The following PRPF38B variants were observed in gnomAD, a reference collection of about 807,000 sequenced individuals.
PRPF38B encodes pre-mRNA-splicing factor 38B.
Under a neutral mutation model 67.2 loss-of-function variants are expected in PRPF38B, and 18 were observed. That is an observed-to-expected ratio of 0.27 (90% CI 0.19 to 0.40). The LOEUF is 0.40. Ranked by LOEUF, PRPF38B falls within the 10% of genes least tolerant of loss-of-function variation. PRPF38B has a pLI of 1.00. For missense variants in PRPF38B, 544 were observed against 684.9 expected, an observed-to-expected ratio of 0.79 and a Z score of 2.30; for synonymous variants, 246 against 234.2, an observed-to-expected ratio of 1.05 and a Z score of -0.46.
At chr1:108,694,689 A>G (rs1195146871) in intron 1 of PRPF38B, among the ~76,000 whole-genome samples, 1 of 152,216 alleles carries the variant, frequency 6.6e-6, no homozygotes, top group Non-Finnish European at 1.5e-5. Context: ...GTTCAGGACT[A>G]CAAAATTTAC....
chr1:108,698,666 T>C lies in PRPF38B; in HGVS notation c.621T>C (p.Phe207=). 2.5e-6 allele frequency: 4 copies of C among 1,614,138 alleles called. No homozygotes were observed. The highest frequency in any genetic ancestry group is 3.4e-6 in the Non-Finnish European group (4 of 1,179,996). The part of the protein sequence containing the change: ...VMTIGEMLRS[F]LTKLEWFSTL... ...CCATTGGAGAAATGCTACGATCTTT[T>C]CTCACAAAACTGGAGTGGTTTTCTA... Residue 207 remains phenylalanine (F), a synonymous_variant, in exon 5 of 6, where the codon TTT becomes TTC. Coordinates refer to ENST00000370025, the MANE Select transcript of PRPF38B (RefSeq NM_018061.4).
intron 4 of PRPF38B, chr1:108,697,010 A>T: frequency 2.1e-6 from 1 of 487,444 alleles, no homozygotes; most frequent in Admixed American, 3.8e-5. Context: ...GTGGTGGCTC[A>T]CATTGTAATC....
At chr1:108,693,944 A>G (rs1005080268) in intron 1 of PRPF38B, among the ~76,000 whole-genome samples, 2 of 152,246 alleles carry the variant, frequency 1.3e-5, no homozygotes, top group Non-Finnish European at 2.9e-5. Context: ...CAGACCGCAC[A>G]AAGTGTTTTC....
chr1:108,694,425 TA>T (rs902242960), intron 1 of PRPF38B, among the ~76,000 whole-genome samples: 1 of 152,194 alleles, frequency 6.6e-6, no homozygotes, highest in African/African-American at 2.4e-5. Flanking sequence ...TAAATTCCGT[TA>T]AAAAACTAAA....
chr1:108,699,718 CGAAGT>C lies in PRPF38B; in HGVS notation c.1340_1344del (p.Arg447GlnfsTer3). ...GAGTCGAAGTAGAAATGCAGGGAAA[CGAAGT>C]AGAAGTAGAAGCAAAGAGAAATCAA... On this transcript the variant is annotated frameshift_variant, in exon 6 of 6. Transcript: ENST00000370025. LOFTEE classifies it high-confidence loss of function. The C allele has an allele frequency of 6.2e-7, 1 of 1,612,212 alleles. No homozygotes were observed. Among genetic ancestry groups the C allele is most frequent in the Non-Finnish European group, 8.5e-7 (1 of 1,179,164 alleles).
In PRPF38B at chr1:108,701,019, G is replaced by A. The variant is rs984790312; in HGVS notation, c.*999G>A. On this transcript the variant is annotated 3_prime_UTR_variant, in exon 6 of 6. Coordinates refer to ENST00000370025, the MANE Select transcript of PRPF38B (RefSeq NM_018061.4). ...ACTTTTTTTATTGATAATGGAGATT[G>A]CTGTTTGAGTTTTTAAACTTAATCT... is the stretch of plus-strand genomic sequence containing the variant. 1 of 152,520 alleles carries A rather than the reference G, an allele frequency of 6.6e-6. No individual in the cohort carries two copies. Among genetic ancestry groups the A allele is most frequent in the African/African-American group, 2.4e-5 (1 of 41,428 alleles). 9.4% of individuals were successfully genotyped at this position (152,520 alleles called of 1,614,324 possible). A position where few individuals can be genotyped will look rare whatever the true frequency, so the allele number is the denominator to read the frequency against.
Position 108,692,698 on chromosome 1 carries a change from A to G in PRPF38B, c.107A>G (p.Lys36Arg), listed in dbSNP as rs1382949754. 7 of 1,613,282 alleles carry G rather than the reference A, an allele frequency of 4.3e-6. No individual in the cohort carries two copies. The South Asian group carries it at 6.6e-5, about 15-fold the overall frequency. The change falls in exon 1 of 6, where the codon AAG becomes AGG. Residue 36 changes from lysine to arginine, a missense_variant. Transcript: ENST00000370025. ...QQQCGGGGAT[K>R]PAVSGKQGNV... is the part of the protein sequence containing the mutation. ...CAGTGCGGCGGCGGCGGCGCTACCAAGCCGGCGGTCTCCGGCAAGCAGGGC... is the reference window on the plus strand; with the variant it reads ...CAGTGCGGCGGCGGCGGCGCTACCAGGCCGGCGGTCTCCGGCAAGCAGGGC...
At chr1:108,698,924 T>TG in intron 5 of PRPF38B, 97 bp downstream of exon 5, 1 of 1,317,910 alleles carries the variant, frequency 7.6e-7, no homozygotes, top group Admixed American at 2.8e-5. Flanking sequence ...TTGTTTTTAC[T>TG]GTTCATTTTA....
rs1660449114 is a variant in PRPF38B, at chr1:108,701,107, TGATA to T, written c.*1091_*1094del. ...TATTTAAGACTATCAGCAAATTATT[TGATA>T]GATTGTTCTTACAACTTGTATTCTG... On this transcript the variant is annotated 3_prime_UTR_variant, in exon 6 of 6. Transcript: ENST00000370025. 1 of 152,644 alleles carries T rather than the reference TGATA, an allele frequency of 6.6e-6. No individual in the cohort carries two copies. Among genetic ancestry groups the T allele is most frequent in the East Asian group, 1.9e-4 (1 of 5,200 alleles). The allele number at this position is 152,644 out of a possible 1,614,324, so 9.5% of individuals were successfully genotyped here. A position where few individuals can be genotyped will look rare whatever the true frequency, so the allele number is the denominator to read the frequency against.
intron 1 of PRPF38B, among the ~76,000 whole-genome samples, chr1:108,693,919 C>G (rs1202248639): frequency 1.3e-5 from 2 of 152,192 alleles, no homozygotes; most frequent in Non-Finnish European, 2.9e-5. Context: ...TCTATATTCA[C>G]TCTTAAAAAC....
chr1:108,693,194 A>G (rs534112473), intron 1 of PRPF38B, among the ~76,000 whole-genome samples: 3 of 152,296 alleles, frequency 2.0e-5, no homozygotes, highest in Admixed American at 2.0e-4. Context: ...TTACAGCTTT[A>G]AAATTATTCC....
chr1:108,692,765 C>T lies in PRPF38B; in HGVS notation c.174C>T (p.Leu58=). The change falls in exon 1 of 6, where the codon CTC becomes CTT. Residue 58 remains leucine, a synonymous_variant. Coordinates refer to ENST00000370025, the MANE Select transcript of PRPF38B (RefSeq NM_018061.4). ...GGGGCAACGAGAAGACCATGAACCTCAACCCCATGATCCTGACCAACATCC... is the reference window on the plus strand; with the variant it reads ...GGGGCAACGAGAAGACCATGAACCTTAACCCCATGATCCTGACCAACATCC... The part of the protein sequence containing the change: ...PLWGNEKTMN[L]NPMILTNILS... 6.2e-7 allele frequency: 1 copy of T among 1,614,158 alleles called. No individual in the cohort carries two copies. The highest frequency in any genetic ancestry group is 8.5e-7 in the Non-Finnish European group (1 of 1,180,050).
Position 108,699,175 on chromosome 1 carries a change from T to A in PRPF38B, c.796T>A (p.Ser266Thr). 6.2e-7 allele frequency: 1 copy of A among 1,608,574 alleles called. No homozygotes were observed. Among genetic ancestry groups the A allele is most frequent in the African/African-American group, 1.3e-5 (1 of 74,512 alleles). Reference sequence around the variant, plus strand: ...CGCCTTCCTTAGGTCTCCAAGGAGATCTCTGAGTCCACGGAGGTCCCCAAG... The same window carrying A: ...CGCCTTCCTTAGGTCTCCAAGGAGAACTCTGAGTCCACGGAGGTCCCCAAG... ...ERRRSRSPRR[S>T]LSPRRSPRRS... The change falls in exon 6 of 6, where the codon TCT (serine) becomes ACT (threonine). Residue 266 changes from serine (S) to threonine (T), a missense_variant. Coordinates refer to ENST00000370025, the MANE Select transcript of PRPF38B (RefSeq NM_018061.4).
At chr1:108,698,343 G>C in intron 4 of PRPF38B, 2 of 374,156 alleles carry the variant, frequency 5.3e-6, no homozygotes, top group Admixed American at 8.4e-5. Context: ...GTTTAGAAAT[G>C]TAAGGGGCTT....
rs17552129 is a variant in PRPF38B at position 108,692,416 on chromosome 1, CG to C, written c.-172del. On this transcript the variant is annotated 5_prime_UTR_variant, in exon 1 of 6. Coordinates refer to ENST00000370025, the MANE Select transcript of PRPF38B (RefSeq NM_018061.4). Reference sequence around the variant, plus strand: ...TGGGTTTCGCTGTCTGCTCTTGGCCCGGGGTCATTTTGTCGGCGTCGGGTGC... The same window carrying C: ...TGGGTTTCGCTGTCTGCTCTTGGCCCGGGTCATTTTGTCGGCGTCGGGTGC... 246 of 710,910 alleles carry C rather than the reference CG, an allele frequency of 3.5e-4. 1 individual carries two copies. In the East Asian group the frequency reaches 5.6e-3, roughly 16 times the overall value. The allele number at this position is 710,910 out of a possible 1,614,324, so 44.0% of individuals were successfully genotyped here. A position where few individuals can be genotyped will look rare whatever the true frequency, so the allele number is the denominator to read the frequency against.
chr1:108,693,652 A>G, intron 1 of PRPF38B: 1 of 970,622 alleles, frequency 1.0e-6, no homozygotes, highest in South Asian at 4.8e-5. Flanking sequence ...GGTATGCACT[A>G]TTAATCATGC....
At chr1:108,698,453 T>G (rs753561132) in intron 4 of PRPF38B, 151 bp from the exon 5 acceptor site, 2 of 627,686 alleles carry the variant, frequency 3.2e-6, no homozygotes, top group Non-Finnish European at 5.4e-6. Flanking sequence ...AATATTTCTG[T>G]TCATTCATTG....
In PRPF38B at chr1:108,692,522, T is replaced by C. The variant is rs1264790499; in HGVS notation, c.-70T>C. 4 of 1,465,598 alleles carry C rather than the reference T, an allele frequency of 2.7e-6. No individual in the cohort carries two copies. The highest frequency in any genetic ancestry group is 3.6e-6 in the Non-Finnish European group (4 of 1,107,776). The allele number at this position is 1,465,598 out of a possible 1,614,324, so 90.8% of individuals were successfully genotyped here. On this transcript the variant is annotated 5_prime_UTR_variant, in exon 1 of 6. Transcript: ENST00000370025. ...GATGGAGTAGGGTCCCAGACCGTTG[T>C]CCCGAAGAGCGAGATCGAGCTTGGC...
In PRPF38B at chr1:108,702,892, G is replaced by T. The variant is rs1237843860; in HGVS notation, c.*2872G>T. On this transcript the variant is annotated 3_prime_UTR_variant, in exon 6 of 6. Transcript: ENST00000370025. ...TTAAAATCTTTTGCCTGTTTTTAAT[G>T]TTCAATTTGCAATTAAATTCTATAC... Among the ~76,000 whole-genome samples the T allele has an allele frequency of 6.6e-6, 1 of 152,060 alleles. No homozygotes were observed. Among genetic ancestry groups the T allele is most frequent in the Non-Finnish European group, 1.5e-5 (1 of 67,994 alleles).
Sources: allele counts gnomAD v4.1 joint callset (sites outside exome capture counted in the v4.1 genomes callset), GRCh38; gene constraint gnomAD v4.1.1; transcripts MANE v1.5; gene names NCBI Gene and HGNC (gene_info 2026-07-23, HGNC 2026-07-21).